Variants in ASAP1 observed in about 807,000 individuals in gnomAD.
ASAP1 encodes the protein arf-GAP with SH3 domain, ANK repeat and PH domain-containing protein 1.
In ASAP1, 43 loss-of-function variants were observed where a neutral mutation model predicts 145.2. That is an observed-to-expected ratio of 0.30 (90% CI 0.23 to 0.38). The LOEUF (loss-of-function observed/expected upper bound fraction) is 0.38, where lower values mean the gene tolerates loss of function less well. Ranked by LOEUF, ASAP1 falls within the 10% of genes least tolerant of loss-of-function variation. The pLI, the probability that ASAP1 is intolerant of heterozygous loss-of-function variation, is 1.00. For synonymous variants in ASAP1, 546 were observed against 515.5 expected, an observed-to-expected ratio of 1.06 and a Z score of -0.80; for missense variants, 1,018 against 1,355.3, an observed-to-expected ratio of 0.75 and a Z score of 3.91.
chr8:130,079,108 T>C (rs531434916), intron 26 of ASAP1, among the ~76,000 whole-genome samples: 10 of 152,248 alleles, frequency 6.6e-5, no homozygotes, highest in African/African-American at 2.4e-4. Context: ...GGCAGGACCA[T>C]CTCTTGAGCC....
chr8:130,254,895 C>A (rs2136903628), intron 3 of ASAP1, among the ~76,000 whole-genome samples: 2 of 152,248 alleles, frequency 1.3e-5, no homozygotes, highest in Admixed American at 1.3e-4. Context: ...AATGATATTA[C>A]CATTATTCAA....
At chr8:130,265,860 C>T (rs373711709) in intron 3 of ASAP1, among the ~76,000 whole-genome samples, 3 of 152,062 alleles carry the variant, frequency 2.0e-5, no homozygotes, top group South Asian at 2.1e-4. Context: ...CAAGCCTGGG[C>T]GAAAGTGAAA....
At chr8:130,208,166 C>T (rs993090432) in intron 5 of ASAP1, among the ~76,000 whole-genome samples, 8 of 152,052 alleles carry the variant, frequency 5.3e-5, no homozygotes, top group Non-Finnish European at 1.2e-4. Context: ...ACCAGCTTCC[C>T]CCAATAGTAA....
chr8:130,102,521 C>T (rs1194766061), intron 24 of ASAP1, among the ~76,000 whole-genome samples: 2 of 152,122 alleles, frequency 1.3e-5, no homozygotes, highest in Non-Finnish European at 2.9e-5. Context: ...GGATTTTTTG[C>T]ATCTACGTTC....
intron 3 of ASAP1, among the ~76,000 whole-genome samples, chr8:130,291,991 C>T (rs1821974465): frequency 6.6e-6 from 1 of 152,146 alleles, no homozygotes; most frequent in Non-Finnish European, 1.5e-5. Flanking sequence ...CCCAAGTGAG[C>T]CTCCCTTTCT....
At chr8:130,154,576 T>C (rs569397896) in intron 12 of ASAP1, among the ~76,000 whole-genome samples, 3 of 152,334 alleles carry the variant, frequency 2.0e-5, no homozygotes, top group African/African-American at 2.4e-5. Flanking sequence ...GAGACCACTG[T>C]AGCTTTCCCA....
At chr8:130,210,616 G>C (rs1816521099) in intron 5 of ASAP1, among the ~76,000 whole-genome samples, 1 of 152,266 alleles carries the variant, frequency 6.6e-6, no homozygotes, top group African/African-American at 2.4e-5. Context: ...ATTATCACCA[G>C]GACAGGCCCT....
Position 130,126,164 on chromosome 8 carries a change from A to C in ASAP1, c.1382-75T>G, listed in dbSNP as rs778666282. On this transcript the variant is annotated intron_variant, in intron 16 of 29. Transcript: ENST00000518721. ...AGTGTGCCAACTACAGAGGAAGCTA[A>C]AACAGTAGTACAAATTGTTAAGAAC... 17 of 1,355,708 alleles carry C rather than the reference A, an allele frequency of 1.3e-5. No homozygotes were observed. The African/African-American group carries it at 1.9e-4, about 15-fold the overall frequency. 84.0% of individuals were successfully genotyped at this position (1,355,708 alleles called of 1,614,324 possible).
intron 5 of ASAP1, among the ~76,000 whole-genome samples, chr8:130,190,856 A>G (rs1318559791): frequency 6.6e-6 from 1 of 152,088 alleles, no homozygotes; most frequent in Non-Finnish European, 1.5e-5. Context: ...TGGTTTGATT[A>G]CTACAGCTTA....
chr8:130,105,787 G>A (rs2097535965), intron 24 of ASAP1, among the ~76,000 whole-genome samples: 3 of 152,200 alleles, frequency 2.0e-5, no homozygotes, highest in South Asian at 4.1e-4. Context: ...GGGCTGGCCA[G>A]GATTACAGGA....
Position 130,060,799 on chromosome 8 carries a change from G to T in ASAP1, c.2972C>A (p.Pro991His). ...PPKPQMKDLPPKPQLGDLLAK... is the reference protein window; with the variant it reads ...PPKPQMKDLPHKPQLGDLLAK... ...TAGCAGGTCTCCCAGCTGTGGTTTG[G>T]GGGGCAGGTCCTTCATCTGTGGTTT... Residue 991 changes from proline (P) to histidine (H), a missense_variant, in exon 28 of 30, where the codon CCC (proline) becomes CAC (histidine). Pro to His is a moderately conservative substitution (Grantham distance 77, BLOSUM62 -2). Around this residue, in one of 9 missense-constraint regions of ASAP1, gnomAD observed 139 missense variants for 131.0 expected, o/e 1.06. Coordinates refer to ENST00000518721, the MANE Select transcript of ASAP1 (RefSeq NM_018482.4). 1 of 1,614,104 alleles carries T rather than the reference G, an allele frequency of 6.2e-7. No homozygotes were observed. The highest frequency in any genetic ancestry group is 2.2e-5 in the East Asian group (1 of 44,886).
chr8:130,259,833 A>G (rs1423242010), intron 3 of ASAP1, among the ~76,000 whole-genome samples: 1 of 152,216 alleles, frequency 6.6e-6, no homozygotes, highest in Non-Finnish European at 1.5e-5. Context: ...AAGAGTTCTA[A>G]GACAAGCAAA....
chr8:130,256,114 T>TACC (rs1168671320), intron 3 of ASAP1, among the ~76,000 whole-genome samples: 2 of 152,212 alleles, frequency 1.3e-5, no homozygotes, highest in Non-Finnish European at 2.9e-5. Context: ...AGGGATGAGG[T>TACC]ACCAACCTTT....
intron 2 of ASAP1, among the ~76,000 whole-genome samples, chr8:130,394,298 A>G (rs573783960): frequency 4.1e-4 from 62 of 152,304 alleles, no homozygotes; most frequent in African/African-American, 5.8e-4. Flanking sequence ...CCCTGAGGGT[A>G]GGTCTCTGAA....
rs998893274 is a variant in ASAP1, at chr8:130,288,755, A to G, written c.187-51761T>C. Among the ~76,000 whole-genome samples, 19 of 152,380 alleles carry G rather than the reference A, an allele frequency of 1.2e-4. 1 individual carries two copies. Among genetic ancestry groups the G allele is most frequent in the Non-Finnish European group, 2.1e-4 (14 of 68,040 alleles). On this transcript the variant is annotated intron_variant, in intron 3 of 29. Coordinates refer to ENST00000518721, the MANE Select transcript of ASAP1 (RefSeq NM_018482.4). ...GTAATCTGCCCCAGTAATCTGGTCA[A>G]TGCAAGATGTTCACAGCAGCATTAC...
At chr8:130,191,273 C>T (rs1815121889) in intron 5 of ASAP1, among the ~76,000 whole-genome samples, 1 of 151,998 alleles carries the variant, frequency 6.6e-6, no homozygotes, top group African/African-American at 2.4e-5. Context: ...TCAAGGAGAC[C>T]CCAAGTAATC....
intron 11 of ASAP1, among the ~76,000 whole-genome samples, chr8:130,166,459 T>C (rs971875744): frequency 6.6e-6 from 1 of 152,184 alleles, no homozygotes; most frequent in African/African-American, 2.4e-5. Flanking sequence ...AGTTTTTACC[T>C]CAGAAACTGC....
Position 130,126,068 on chromosome 8 carries a change from T to A in ASAP1, c.1403A>T (p.Asn468Ile), listed in dbSNP as rs1405408582. The part of the protein sequence containing the change: ...GSSEPTWLST[N>I]LGILTCIECS... ...TTCTATACAGGTCAAAATACCCAAG[T>A]TGGTTGAAAGCCAGGTGGGTTCTGT... The change falls in exon 17 of 30, where the codon AAC becomes ATC. Residue 468 changes from asparagine (N) to isoleucine (I), a missense_variant. Around this residue, in one of 9 missense-constraint regions of ASAP1, gnomAD observed 153 missense variants for 221.6 expected, o/e 0.69. Coordinates refer to ENST00000518721, the MANE Select transcript of ASAP1 (RefSeq NM_018482.4). 1 of 1,610,786 alleles carries A rather than the reference T, an allele frequency of 6.2e-7. No homozygotes were observed. Among genetic ancestry groups the A allele is most frequent in the Admixed American group, 1.7e-5 (1 of 59,172 alleles).
intron 11 of ASAP1, 91 bp downstream of exon 11, chr8:130,167,445 G>A (rs765463085): frequency 5.5e-5 from 54 of 987,034 alleles, no homozygotes; most frequent in Non-Finnish European, 8.7e-5. Flanking sequence ...ATATATCACT[G>A]TGCCTGTCTT....
Sources: gnomAD v4.1 joint callset for allele counts (sites outside exome capture counted in the v4.1 genomes callset) on GRCh38, gnomAD v4.1.1 for gene constraint, gnomAD v4.1.1 regional missense constraint, MANE v1.5 for transcripts, NCBI Gene and HGNC (gene_info 2026-07-23, HGNC 2026-07-21) for gene names.